ACYP2: variants seen among roughly 807,000 people sequenced by gnomAD.
The protein encoded by ACYP2 is acylphosphatase-2.
In ACYP2, 12 loss-of-function variants were observed where a neutral mutation model predicts 11.2. The ratio of observed to expected loss-of-function variants is 1.08; its 90% confidence interval spans 0.69 to 1.74. The LOEUF is 1.74. Among genes scored for constraint, ACYP2 ranks in the 40% most tolerant of loss-of-function variants. The probability of loss-of-function intolerance (pLI) is 0.00; values close to 1 mark genes in which losing one functional copy is unlikely to be tolerated. For synonymous variants in ACYP2, 43 were observed against 32.2 expected (o/e 1.33, Z -1.13); for missense variants, 134 against 101.9 (o/e 1.31, Z -1.35).
At chr2:54,197,987 GTATTGTATTGTATT>G (rs1684581676) in intron 6 of ACYP2, among the ~76,000 whole-genome samples, 2 of 137,558 alleles carry the variant, frequency 1.5e-5, no homozygotes, top group Non-Finnish European at 3.0e-5. Flanking sequence ...GTATTGTATT[GTATTGTATTGTATT>G]GTATTGTATT....
At chr2:54,001,790 G>T (rs1672816184) in intron 2 of ACYP2, among the ~76,000 whole-genome samples, 1 of 152,160 alleles carries the variant, frequency 6.6e-6, no homozygotes, top group Non-Finnish European at 1.5e-5. Context: ...CCTCTGTTAG[G>T]CCAAGGAAGT....
At chr2:54,042,960 T>C (rs1675316823) in intron 2 of ACYP2, among the ~76,000 whole-genome samples, 2 of 152,226 alleles carry the variant, frequency 1.3e-5, no homozygotes, top group African/African-American at 4.8e-5. Flanking sequence ...ATAAATGCTC[T>C]GTCTACCTTG....
chr2:53,989,690 TTTGTGTCTTGAGTAAG>T (rs1558455887), intron 2 of ACYP2, among the ~76,000 whole-genome samples: 1 of 152,202 alleles, frequency 6.6e-6, no homozygotes. Context: ...CACTATGTAC[TTTGTGTCTTGAGTAAG>T]CAATGCCAAG....
chr2:54,128,226 G>T (rs1429166861), intron 4 of ACYP2, among the ~76,000 whole-genome samples: 1 of 152,138 alleles, frequency 6.6e-6, no homozygotes, highest in African/African-American at 2.4e-5. Flanking sequence ...TGTTAGATTG[G>T]GTGGTTTAAT....
intron 6 of ACYP2, among the ~76,000 whole-genome samples, chr2:54,212,007 A>G (rs1370519899): frequency 2.0e-5 from 3 of 152,320 alleles, no homozygotes; most frequent in South Asian, 2.1e-4. Context: ...ACTGCCTGCC[A>G]TAGTGCTTGG....
At chr2:53,977,088 C>G (rs556603250) in intron 2 of ACYP2, among the ~76,000 whole-genome samples, 3 of 152,236 alleles carry the variant, frequency 2.0e-5, no homozygotes, top group African/African-American at 7.2e-5. Context: ...TGCTCTGTTG[C>G]CCAGGCTGGT....
At chr2:54,031,086 T>C (rs548893047) in intron 2 of ACYP2, among the ~76,000 whole-genome samples, 1 of 152,152 alleles carries the variant, frequency 6.6e-6, no homozygotes, top group Non-Finnish European at 1.5e-5. Flanking sequence ...TTATGTCTCA[T>C]TGGTGTCAGG....
At chr2:54,268,605 C>A (rs1243766763) in intron 6 of ACYP2, among the ~76,000 whole-genome samples, 1 of 145,876 alleles carries the variant, frequency 6.9e-6, no homozygotes, top group Non-Finnish European at 1.5e-5. Context: ...AGTTCGAAAC[C>A]AGCCTGGGCA....
intron 2 of ACYP2, among the ~76,000 whole-genome samples, chr2:54,034,302 G>A (rs1674752538): frequency 6.6e-6 from 1 of 152,190 alleles, no homozygotes; most frequent in Non-Finnish European, 1.5e-5. Context: ...AGGTTGCGGT[G>A]AGCCGGGATC....
chr2:54,046,839 A>G (rs1024663275), intron 2 of ACYP2, among the ~76,000 whole-genome samples: 2 of 152,206 alleles, frequency 1.3e-5, no homozygotes, highest in Non-Finnish European at 2.9e-5. Flanking sequence ...CAAATTATAT[A>G]GCCAATCCTA....
intron 6 of ACYP2, among the ~76,000 whole-genome samples, chr2:54,204,420 G>A (rs78405483): frequency 0.014 from 2,082 of 151,908 alleles, 58 homozygotes; most frequent in African/African-American, 0.047. Context: ...CAAAAGATTG[G>A]ACACCCCTGG....
chr2:54,255,546 C>T lies in ACYP2; in HGVS notation c.405-49142C>T, dbSNP rs376982052. On this transcript the variant is annotated intron_variant, in intron 6 of 6. Coordinates refer to ENST00000607452, the MANE Select transcript of ACYP2 (RefSeq NM_001320586.2). ...CCAGCTGGATGGACTCCAGGGGGTTCAGGTGGAGACCCACGTTCAGGGGCC... is the reference window on the plus strand; with the variant it reads ...CCAGCTGGATGGACTCCAGGGGGTTTAGGTGGAGACCCACGTTCAGGGGCC... The T allele has an allele frequency of 1.2e-5, 20 of 1,612,994 alleles. No homozygotes were observed. In the African/African-American group the frequency reaches 2.3e-4, roughly 18 times the overall value.
intron 2 of ACYP2, among the ~76,000 whole-genome samples, chr2:53,980,974 A>T (rs1671727713): frequency 6.6e-6 from 1 of 151,888 alleles, no homozygotes; most frequent in South Asian, 2.1e-4. Context: ...GTGGTCTCGA[A>T]CTCCTGGGCT....
chr2:53,990,499 A>G (rs1672235628), intron 2 of ACYP2, among the ~76,000 whole-genome samples: 1 of 151,396 alleles, frequency 6.6e-6, no homozygotes, highest in Middle Eastern at 3.4e-3. Context: ...ATATACAAAA[A>G]TTAGCTGGGC....
At chr2:53,990,738 G>C (rs750936322) in intron 2 of ACYP2, among the ~76,000 whole-genome samples, 3 of 150,922 alleles carry the variant, frequency 2.0e-5, no homozygotes. Flanking sequence ...AGCTTCTACT[G>C]TCAGAGTTTC....
At chr2:54,272,484 G>A (rs1424844059) in intron 6 of ACYP2, among the ~76,000 whole-genome samples, 6 of 152,164 alleles carry the variant, frequency 3.9e-5, no homozygotes, top group East Asian at 1.9e-4. Context: ...AAGTAATCCT[G>A]AAGGTAGTCT....
chr2:54,063,767 C>T (rs1196099616), intron 4 of ACYP2, among the ~76,000 whole-genome samples: 1 of 152,126 alleles, frequency 6.6e-6, no homozygotes, highest in African/African-American at 2.4e-5. Context: ...AAATGGTTCC[C>T]TCCTGGAACT....
intron 4 of ACYP2, 21 bp from the exon 1 acceptor site, chr2:54,115,594 C>A (rs1302643618): frequency 1.3e-6 from 2 of 1,545,206 alleles, no homozygotes; most frequent in Non-Finnish European, 1.7e-6. Context: ...GTGACAGGCG[C>A]GGGGTGCGCC....
chr2:54,051,406 G>C (rs1974771), intron 3 of ACYP2: 1 of 727,518 alleles, frequency 1.4e-6, no homozygotes, highest in Non-Finnish European at 2.5e-6. Context: ...GGTAGAGAAG[G>C]CCCATTATGA....
Sources: gnomAD v4.1 joint callset for allele counts (sites outside exome capture counted in the v4.1 genomes callset) on GRCh38, gnomAD v4.1.1 for gene constraint, MANE v1.5 for transcripts, NCBI Gene and HGNC (gene_info 2026-07-23, HGNC 2026-07-21) for gene names.